MMP16: variants seen among roughly 807,000 people sequenced by gnomAD.
MMP16 encodes matrix metalloproteinase-16.
MMP16 carries 12 observed loss-of-function variants against 67.8 expected under a neutral mutation model. That is an observed-to-expected ratio of 0.18 (90% CI 0.11 to 0.29). The LOEUF (loss-of-function observed/expected upper bound fraction) is 0.29. Ranked by LOEUF, MMP16 falls within the 10% of genes least tolerant of loss-of-function variation. The pLI is 1.00. For synonymous variants in MMP16, 249 were observed against 255.9 expected (o/e 0.97, Z 0.26); for missense variants, 475 against 765.7 (o/e 0.62, Z 4.48).
At chr8:88,170,674 G>A (rs1488277466) in intron 3 of MMP16, among the ~76,000 whole-genome samples, 1 of 152,128 alleles carries the variant, frequency 6.6e-6, no homozygotes, top group African/African-American at 2.4e-5. Context: ...ATTTCAGATG[G>A]TGAGGGGGTG....
intron 3 of MMP16, among the ~76,000 whole-genome samples, chr8:88,177,088 A>G (rs1380223964): frequency 1.3e-5 from 2 of 152,124 alleles, no homozygotes; most frequent in Non-Finnish European, 2.9e-5. Context: ...TTCTCCATAA[A>G]AGGTTTATAC....
chr8:88,165,163 C>T (rs180870206), intron 4 of MMP16, among the ~76,000 whole-genome samples: 123 of 120,336 alleles, frequency 1.0e-3, no homozygotes, highest in African/African-American at 2.9e-3. Context: ...GGCAAAATAG[C>T]GAGAACCCCA....
chr8:88,115,652 T>C (rs1460983520), intron 6 of MMP16, among the ~76,000 whole-genome samples: 1 of 152,076 alleles, frequency 6.6e-6, no homozygotes, highest in Non-Finnish European at 1.5e-5. Context: ...TTGATTTATG[T>C]CCACCAAAAC....
chr8:88,050,042 C>A (rs576977714), intron 8 of MMP16, among the ~76,000 whole-genome samples: 1 of 151,774 alleles, frequency 6.6e-6, no homozygotes, highest in South Asian at 2.1e-4. Context: ...TAATAATAGG[C>A]CAGGCATGGT....
intron 6 of MMP16, among the ~76,000 whole-genome samples, chr8:88,091,649 T>C (rs940013487): frequency 6.6e-6 from 1 of 151,912 alleles, no homozygotes; most frequent in Non-Finnish European, 1.5e-5. Context: ...TACCTCTTAT[T>C]AGTAGTCCAA....
intron 3 of MMP16, among the ~76,000 whole-genome samples, chr8:88,170,651 GA>G (rs548080814): frequency 1.9e-3 from 283 of 151,820 alleles, no homozygotes; most frequent in Admixed American, 3.3e-3. Flanking sequence ...ATAATAAACA[GA>G]AAAAAAAGAT....
chr8:88,074,681 A>G lies in MMP16; in HGVS notation c.1146T>C (p.Thr382=). ...RVMDGYPMQI[T]YFWRGLPPSI... is the part of the protein sequence containing the mutation. The stretch of plus-strand genomic sequence containing the variant: ...TAGGAGGCAAGCCCCGCCAGAAGTA[A>G]GTAATTTGCATTGGGTATCCATCCA... Residue 382 remains threonine, a synonymous_variant, in exon 7 of 10, where the codon ACT becomes ACC. Coordinates refer to ENST00000286614, the MANE Select transcript of MMP16 (RefSeq NM_005941.5). 1 of 1,613,802 alleles carries G rather than the reference A, an allele frequency of 6.2e-7. No individual in the cohort carries two copies.
At chr8:88,072,904 G>A (rs1808584249) in intron 7 of MMP16, among the ~76,000 whole-genome samples, 3 of 152,142 alleles carry the variant, frequency 2.0e-5, no homozygotes, top group Non-Finnish European at 2.9e-5. Context: ...TATGCTGGCT[G>A]TTGAAAGATG....
chr8:88,090,901 A>C (rs1808922570), intron 6 of MMP16, among the ~76,000 whole-genome samples: 1 of 151,868 alleles, frequency 6.6e-6, no homozygotes, highest in African/African-American at 2.4e-5. Context: ...TATATATTTG[A>C]GTTCAATTTG....
In MMP16 at chr8:88,148,424, G is replaced by A. The variant is rs184162664; in HGVS notation, c.709+19245C>T. Among the ~76,000 whole-genome samples the A allele has an allele frequency of 1.4e-4, 22 of 152,334 alleles. No homozygotes were observed. The East Asian group carries it at 4.2e-3, about 29-fold the overall frequency. On this transcript the variant is annotated intron_variant, in intron 4 of 9. Transcript: ENST00000286614. Reference sequence around the variant, plus strand: ...TTCTATTTGCATGATAGCCACCGGTGAAAATAGCTGGGTGCCTAAATGCAG... The same window carrying A: ...TTCTATTTGCATGATAGCCACCGGTAAAAATAGCTGGGTGCCTAAATGCAG...
intron 1 of MMP16, among the ~76,000 whole-genome samples, chr8:88,270,977 A>T (rs961807909): frequency 6.6e-6 from 1 of 152,190 alleles, no homozygotes; most frequent in South Asian, 2.1e-4. Context: ...CTTTGTATCT[A>T]CCCAGACCTG....
chr8:88,248,953 C>G (rs982732520), intron 1 of MMP16, among the ~76,000 whole-genome samples: 2 of 151,912 alleles, frequency 1.3e-5, no homozygotes, highest in Non-Finnish European at 2.9e-5. Flanking sequence ...AAATCTCTTA[C>G]TTAATTTCTT....
chr8:88,243,106 A>G (rs946742954), intron 1 of MMP16, among the ~76,000 whole-genome samples: 2 of 152,208 alleles, frequency 1.3e-5, no homozygotes, highest in Non-Finnish European at 2.9e-5. Context: ...GTTCTCAGTC[A>G]TCATGTGAAG....
intron 4 of MMP16, among the ~76,000 whole-genome samples, chr8:88,163,536 A>AT (rs1275914097): frequency 1.3e-5 from 2 of 152,048 alleles, no homozygotes; most frequent in Non-Finnish European, 2.9e-5. Context: ...ATACCTCTAG[A>AT]TATTATTCTG....
At chr8:88,277,668 T>A (rs1199194579) in intron 1 of MMP16, among the ~76,000 whole-genome samples, 2 of 152,156 alleles carry the variant, frequency 1.3e-5, no homozygotes, top group East Asian at 1.9e-4. Context: ...AAAAATTAGG[T>A]TATCAAGTTG....
intron 7 of MMP16, among the ~76,000 whole-genome samples, chr8:88,072,133 T>G (rs187543475): frequency 3.6e-4 from 55 of 152,084 alleles, no homozygotes; most frequent in African/African-American, 1.2e-3. Flanking sequence ...TAGAGCAAAA[T>G]GGGGTGACCA....
At chr8:88,217,558 G>T (rs903931744) in intron 1 of MMP16, among the ~76,000 whole-genome samples, 4 of 151,948 alleles carry the variant, frequency 2.6e-5, no homozygotes, top group Non-Finnish European at 4.4e-5. Context: ...ATGTGGAACT[G>T]GCTTCATCAT....
chr8:88,212,111 T>C (rs950093298), intron 1 of MMP16, among the ~76,000 whole-genome samples: 1 of 152,142 alleles, frequency 6.6e-6, no homozygotes, highest in Admixed American at 6.6e-5. Flanking sequence ...TCTTTCCTTA[T>C]CTGTGTTTCT....
intron 1 of MMP16, among the ~76,000 whole-genome samples, chr8:88,274,436 G>GT (rs1204262410): frequency 1.3e-5 from 2 of 151,772 alleles, no homozygotes; most frequent in African/African-American, 2.4e-5. Flanking sequence ...CCTTTAATAC[G>GT]TAAGTCCACA....
Sources: gnomAD v4.1 joint callset for allele counts (sites outside exome capture counted in the v4.1 genomes callset) on GRCh38, gnomAD v4.1.1 for gene constraint, MANE v1.5 for transcripts, NCBI Gene and HGNC (gene_info 2026-07-23, HGNC 2026-07-21) for gene names.